DCAF6: variants seen among roughly 807,000 people sequenced by gnomAD.
The protein encoded by DCAF6 is DDB1- and CUL4-associated factor 6.
Under a neutral mutation model 125.1 loss-of-function variants are expected in DCAF6, and 54 were observed. The ratio of observed to expected loss-of-function variants is 0.43; its 90% confidence interval spans 0.35 to 0.54. The LOEUF (loss-of-function observed/expected upper bound fraction) is 0.54, where lower values mean the gene tolerates loss of function less well. Among genes scored for constraint, DCAF6 ranks in the 20% least tolerant of loss-of-function variants. The pLI is 0.01. For synonymous variants in DCAF6, 371 were observed against 390.4 expected (o/e 0.95, Z 0.58); for missense variants, 934 against 1,161.7 (o/e 0.80, Z 2.85).
intron 1 of DCAF6, 54 bp downstream of exon 1, chr1:167,937,062 G>C: frequency 2.7e-6 from 4 of 1,469,748 alleles, no homozygotes; most frequent in Non-Finnish European, 3.8e-6. Context: ...GAGTGGGGGA[G>C]GGGGCACGCT....
At chr1:167,927,199 T>A in the DCAF6 span, among the ~76,000 whole-genome samples, 4 of 152,224 alleles carry the variant, frequency 2.6e-5, no homozygotes, top group Non-Finnish European at 4.4e-5. Context: ...TGTTTTCTCA[T>A]CTCTAGGGAC....
intron 11 of DCAF6, chr1:168,019,989 G>A (rs1180115158): frequency 6.5e-6 from 1 of 152,928 alleles, no homozygotes; most frequent in African/African-American, 2.4e-5. Context: ...TAACTACCTT[G>A]AATGACAGAG....
At chr1:167,960,228 T>C (rs1464945232) in intron 2 of DCAF6, among the ~76,000 whole-genome samples, 1 of 152,106 alleles carries the variant, frequency 6.6e-6, no homozygotes, top group Non-Finnish European at 1.5e-5. Context: ...TATCTGTTTG[T>C]CTGCTCTTTT....
chr1:167,899,015 A>G, the DCAF6 span, among the ~76,000 whole-genome samples: 5 of 151,928 alleles, frequency 3.3e-5, no homozygotes, highest in Non-Finnish European at 5.9e-5. Context: ...CTCAACTCCA[A>G]CCTTTACCTT....
chr1:167,970,058 G>A (rs1364225440), intron 3 of DCAF6, among the ~76,000 whole-genome samples: 6 of 152,178 alleles, frequency 3.9e-5, no homozygotes, highest in African/African-American at 7.2e-5. Context: ...GATTACAGGC[G>A]TGAACCATTG....
At chr1:167,925,472 T>TATATATATATATAC in the DCAF6 span, among the ~76,000 whole-genome samples, 1 of 102,042 alleles carries the variant, frequency 9.8e-6, no homozygotes, top group South Asian at 2.8e-4. Context: ...TATATATATA[T>TATATATATATATAC]ATACATATAC....
the DCAF6 span, among the ~76,000 whole-genome samples, chr1:167,865,010 T>C: frequency 7.2e-5 from 11 of 152,060 alleles, no homozygotes; most frequent in Non-Finnish European, 1.6e-4. Context: ...ATATTTGTAA[T>C]AAGTCAGAAA....
At chr1:167,980,677 C>T (rs1678965901) in intron 4 of DCAF6, among the ~76,000 whole-genome samples, 1 of 151,794 alleles carries the variant, frequency 6.6e-6, no homozygotes, top group African/African-American at 2.4e-5. Flanking sequence ...CATAGGATTT[C>T]TTTATATATT....
chr1:168,027,932 G>A (rs910458851), intron 12 of DCAF6, among the ~76,000 whole-genome samples: 1 of 152,094 alleles, frequency 6.6e-6, no homozygotes, highest in African/African-American at 2.4e-5. Context: ...AAACAAAATT[G>A]TAGGGAAATA....
chr1:167,956,884 C>T (rs750979321), intron 2 of DCAF6, among the ~76,000 whole-genome samples: 1 of 151,962 alleles, frequency 6.6e-6, no homozygotes, highest in Non-Finnish European at 1.5e-5. Flanking sequence ...TTAATGATTT[C>T]TGATTTAATT....
chr1:167,921,404 T>A, the DCAF6 span, among the ~76,000 whole-genome samples: 2 of 152,120 alleles, frequency 1.3e-5, no homozygotes, highest in African/African-American at 2.4e-5. Flanking sequence ...GTATTTTTAA[T>A]AGAGACGGGG....
chr1:167,874,070 G>A, the DCAF6 span, among the ~76,000 whole-genome samples: 3 of 152,188 alleles, frequency 2.0e-5, no homozygotes, highest in Non-Finnish European at 4.4e-5. Context: ...AGTGGCTCAC[G>A]CCTGTAATCC....
chr1:167,925,320 T>C, the DCAF6 span, among the ~76,000 whole-genome samples: 2 of 151,228 alleles, frequency 1.3e-5, no homozygotes, highest in African/African-American at 2.4e-5. Flanking sequence ...TATTACCTAA[T>C]AGAATGTAGA....
chr1:167,936,155 T>C (rs1318890942), upstream of DCAF6: 3 of 321,674 alleles, frequency 9.3e-6, no homozygotes, highest in Admixed American at 4.6e-5. Flanking sequence ...TGCGCCCTGC[T>C]GGCAGCGCGC....
At chr1:168,073,112 G>A (rs1318071807) in intron 21 of DCAF6, among the ~76,000 whole-genome samples, 1 of 152,054 alleles carries the variant, frequency 6.6e-6, no homozygotes, top group Non-Finnish European at 1.5e-5. Context: ...GGAGGCGGAG[G>A]TTGCAGTGAG....
At chr1:168,008,070 A>T (rs957177562) in intron 10 of DCAF6, among the ~76,000 whole-genome samples, 4 of 148,876 alleles carry the variant, frequency 2.7e-5, no homozygotes, top group African/African-American at 5.0e-5. Context: ...CCTGGGTTCA[A>T]GCAATTCTCC....
At chr1:167,926,806 A>T in the DCAF6 span, among the ~76,000 whole-genome samples, 1 of 152,160 alleles carries the variant, frequency 6.6e-6, no homozygotes, top group Admixed American at 6.5e-5. Context: ...TCTTCAGTTC[A>T]TGCTGTCCCT....
Position 168,022,976 on chromosome 1 carries a change from T to A in DCAF6, c.1550-12T>A, listed in dbSNP as rs1685850147. ...TGCTTACTTTTAAGTTGAAATCTCA[T>A]TTTTGTTTCAGATTCTCCTTCTTCT... On this transcript the variant is annotated splice_polypyrimidine_tract_variant and intron_variant, in intron 11 of 21. Transcript: ENST00000367840. 6.8e-6 allele frequency: 11 copies of A among 1,613,668 alleles called. No individual in the cohort carries two copies. In the East Asian group the frequency reaches 2.5e-4, roughly 36 times the overall value.
At chr1:167,960,994 T>C (rs1026358968) in intron 2 of DCAF6, among the ~76,000 whole-genome samples, 1 of 152,222 alleles carries the variant, frequency 6.6e-6, no homozygotes, top group Non-Finnish European at 1.5e-5. Flanking sequence ...GCTCTTCATT[T>C]ATTTAATTCT....
Sources: gnomAD v4.1 joint callset for allele counts (sites outside exome capture counted in the v4.1 genomes callset) on GRCh38, gnomAD v4.1.1 for gene constraint, MANE v1.5 for transcripts, NCBI Gene and HGNC (gene_info 2026-07-23, HGNC 2026-07-21) for gene names.